Variants in PRKCH observed in about 807,000 individuals in gnomAD.
PRKCH encodes protein kinase C eta, also known as protein kinase C eta type.
PRKCH carries 28 observed loss-of-function variants against 82.5 expected under a neutral mutation model. The observed-to-expected ratio is 0.34, with a 90% CI of 0.25 to 0.47. The LOEUF (loss-of-function observed/expected upper bound fraction) is 0.47, where lower values mean the gene tolerates loss of function less well. Among genes scored for constraint, PRKCH ranks in the 20% least tolerant of loss-of-function variants. The probability of loss-of-function intolerance (pLI) is 1.00; values close to 1 mark genes in which losing one functional copy is unlikely to be tolerated. For synonymous variants in PRKCH, 322 were observed against 327.4 expected (o/e 0.98, Z 0.18); for missense variants, 705 against 881.8 (o/e 0.80, Z 2.54).
At chr14:61,536,139 A>T (rs2043105456) in intron 12 of PRKCH, among the ~76,000 whole-genome samples, 1 of 151,980 alleles carries the variant, frequency 6.6e-6, no homozygotes. Flanking sequence ...CATCTCTTAA[A>T]TCCAGTCTCG....
chr14:61,236,170 G>A (rs1382945687), intron 1 of PRKCH, among the ~76,000 whole-genome samples: 1 of 152,184 alleles, frequency 6.6e-6, no homozygotes, highest in Non-Finnish European at 1.5e-5. Context: ...AGGAGTTTGA[G>A]ACCAGCCTGG....
chr14:61,468,129 C>T lies in PRKCH; in HGVS notation c.1278+10450C>T, dbSNP rs538022753. Among the ~76,000 whole-genome samples, 3 of 152,234 alleles carry T rather than the reference C, an allele frequency of 2.0e-5. No homozygotes were observed. The South Asian group carries it at 6.2e-4, about 32-fold the overall frequency. On this transcript the variant is annotated intron_variant, in intron 9 of 13. Coordinates refer to ENST00000332981, the MANE Select transcript of PRKCH (RefSeq NM_006255.5). ...GTTTTCCACAATAGGTGGTTTTTGG[C>T]CTTTTGGGAAATACCTAAGGATATT...
Position 61,280,784 on chromosome 14 carries a change from G to A in PRKCH, c.-19+93116G>A, listed in dbSNP as rs987764778. ...TCGTCGCGGGACACGCCGTAGCGCC[G>A]GTTGTTCTGGTAGAAGTTGGTCAGC... On this transcript the variant is annotated intron_variant, in intron 1 of 3. Coordinates refer to the PRKCH transcript ENST00000555185. This position sits in a 1 kb window ranked among gnomAD's most constrained non-coding sequence, Gnocchi z 5.0. The A allele has an allele frequency of 9.0e-6, 14 of 1,555,354 alleles. No individual in the cohort carries two copies. The highest frequency in any genetic ancestry group is 1.4e-5 in the African/African-American group (1 of 73,796).
chr14:61,468,502 C>A (rs1425787889), intron 9 of PRKCH, among the ~76,000 whole-genome samples: 2 of 152,120 alleles, frequency 1.3e-5, no homozygotes, highest in East Asian at 1.9e-4. Flanking sequence ...TTATTTGGGA[C>A]CTTTGCTTCT....
intron 2 of PRKCH, among the ~76,000 whole-genome samples, chr14:61,438,452 T>C (rs548121272): frequency 1.3e-5 from 2 of 152,364 alleles, no homozygotes; most frequent in South Asian, 4.1e-4. Flanking sequence ...ACAATCATTT[T>C]AAAAATGAGG....
chr14:61,290,749 G>C (rs932723431), intron 1 of PRKCH, among the ~76,000 whole-genome samples: 2 of 152,146 alleles, frequency 1.3e-5, no homozygotes, highest in African/African-American at 2.4e-5. Context: ...AAGTTCAGTA[G>C]TTAAGGAGCA....
intron 1 of PRKCH, among the ~76,000 whole-genome samples, chr14:61,208,376 A>C (rs1037753955): frequency 6.6e-6 from 1 of 152,200 alleles, no homozygotes; most frequent in Non-Finnish European, 1.5e-5. Flanking sequence ...CTTCACATTC[A>C]GTCAGTTCTC....
chr14:61,347,036 T>C (rs183040406), intron 1 of PRKCH, among the ~76,000 whole-genome samples: 3 of 152,354 alleles, frequency 2.0e-5, no homozygotes, highest in African/African-American at 7.2e-5. Flanking sequence ...CTTTGTAATC[T>C]GTTCACCGGT....
At chr14:61,440,230 A>G (rs1883891459) in intron 2 of PRKCH, among the ~76,000 whole-genome samples, 1 of 152,326 alleles carries the variant, frequency 6.6e-6, no homozygotes, top group South Asian at 2.1e-4. Context: ...TAGAAGTATC[A>G]TGAGTGGAAG....
At chr14:61,372,349 A>G (rs2046373460) in intron 1 of PRKCH, among the ~76,000 whole-genome samples, 1 of 152,042 alleles carries the variant, frequency 6.6e-6, no homozygotes, top group African/African-American at 2.4e-5. Context: ...ATATCTGTAA[A>G]TATTTCTATA....
At chr14:61,346,694 A>G (rs908384216) in intron 1 of PRKCH, among the ~76,000 whole-genome samples, 1 of 152,158 alleles carries the variant, frequency 6.6e-6, no homozygotes, top group African/African-American at 2.4e-5. Flanking sequence ...TGTGTGTACT[A>G]TGGTGTTAAT....
Position 61,280,176 on chromosome 14 carries a change from G to C in PRKCH, c.-19+92508G>C. On this transcript the variant is annotated intron_variant, in intron 1 of 3. Coordinates refer to the PRKCH transcript ENST00000555185. The surrounding 1 kb of genome is among the most constrained non-coding windows in gnomAD (Gnocchi z 5.0). ...AGCCGGTGAGGATGCAGAGGGAGCCGACGACCAGGTAGGCGATGCCCAGGA... is the reference window on the plus strand; with the variant it reads ...AGCCGGTGAGGATGCAGAGGGAGCCCACGACCAGGTAGGCGATGCCCAGGA... The C allele has an allele frequency of 1.2e-6, 2 of 1,614,124 alleles. No individual in the cohort carries two copies. Among genetic ancestry groups the C allele is most frequent in the Non-Finnish European group, 1.7e-6 (2 of 1,179,998 alleles).
chr14:61,381,381 A>G (rs547916998), intron 1 of PRKCH, among the ~76,000 whole-genome samples: 40 of 152,348 alleles, frequency 2.6e-4, no homozygotes, highest in African/African-American at 8.9e-4. Flanking sequence ...AGTTTTTGCC[A>G]TCATTGTTTT....
rs865976291 is a variant in PRKCH at position 61,280,585 on chromosome 14, T to G, written c.-19+92917T>G. On this transcript the variant is annotated intron_variant, in intron 1 of 3. Transcript: ENST00000555185. The surrounding 1 kb of genome is among the most constrained non-coding windows in gnomAD (Gnocchi z 5.0). ...GATGCCGGAGCGGTCGAGCGGCACCTCGACGTAGGGCCCGCCGGGCTGGCG... is the reference window on the plus strand; with the variant it reads ...GATGCCGGAGCGGTCGAGCGGCACCGCGACGTAGGGCCCGCCGGGCTGGCG... 1.2e-5 allele frequency: 19 copies of G among 1,598,960 alleles called. No homozygotes were observed. Among genetic ancestry groups the G allele is most frequent in the Middle Eastern group, 1.6e-4 (1 of 6,066 alleles).
chr14:61,354,230 G>T (rs1487172118), intron 1 of PRKCH, among the ~76,000 whole-genome samples: 1 of 152,074 alleles, frequency 6.6e-6, no homozygotes, highest in Non-Finnish European at 1.5e-5. Flanking sequence ...AATATAAAAT[G>T]ATCTATATTA....
At chr14:61,375,037 C>G (rs1386420826) in intron 1 of PRKCH, among the ~76,000 whole-genome samples, 1 of 152,074 alleles carries the variant, frequency 6.6e-6, no homozygotes, top group Non-Finnish European at 1.5e-5. Flanking sequence ...TGAGTGTACA[C>G]TTTGAGAAAC....
chr14:61,471,883 T>C (rs1432487109), intron 9 of PRKCH, among the ~76,000 whole-genome samples: 1 of 152,252 alleles, frequency 6.6e-6, no homozygotes, highest in Non-Finnish European at 1.5e-5. Flanking sequence ...TGATTGTCTT[T>C]GGTATGAAAA....
intron 1 of PRKCH, among the ~76,000 whole-genome samples, chr14:61,328,509 G>A (rs1023352650): frequency 2.7e-5 from 4 of 147,744 alleles, no homozygotes; most frequent in African/African-American, 9.9e-5. Flanking sequence ...AGAGGAATGA[G>A]GTTGGTGGGT....
At chr14:61,487,499 G>A (rs980745202) in intron 10 of PRKCH, among the ~76,000 whole-genome samples, 5 of 152,096 alleles carry the variant, frequency 3.3e-5, no homozygotes, top group Admixed American at 1.3e-4. Context: ...GGAGTTAAGC[G>A]TCGTCCTCAT....
Sources: gnomAD v4.1 joint callset for allele counts (sites outside exome capture counted in the v4.1 genomes callset) on GRCh38, gnomAD v4.1.1 for gene constraint, Gnocchi (gnomAD v3.1) non-coding constraint, MANE v1.5 for transcripts, NCBI Gene and HGNC (gene_info 2026-07-23, HGNC 2026-07-21) for gene names.